NDUFAF2: variants seen among roughly 807,000 people sequenced by gnomAD.
The protein encoded by NDUFAF2 is NADH:ubiquinone oxidoreductase complex assembly factor 2.
A neutral mutation model predicts 22.8 loss-of-function variants in NDUFAF2; 13 were observed. The observed-to-expected ratio is 0.57, with a 90% CI of 0.37 to 0.91. NDUFAF2 has a LOEUF of 0.91. Among genes scored for constraint, NDUFAF2 ranks in the 40% least tolerant of loss-of-function variants. The pLI is 0.01. For missense variants in NDUFAF2, 162 were observed against 195.2 expected (o/e 0.83, Z 1.01); for synonymous variants, 53 against 64.2 (o/e 0.83, Z 0.84).
At chr5:61,090,849 C>CT (rs1328138213) in intron 2 of NDUFAF2, among the ~76,000 whole-genome samples, 2 of 152,068 alleles carry the variant, frequency 1.3e-5, no homozygotes, top group Admixed American at 6.6e-5. Flanking sequence ...CATCCTCCAC[C>CT]CTCCAATAGG....
intron 1 of NDUFAF2, among the ~76,000 whole-genome samples, chr5:60,992,517 CATTT>C (rs1358267252): frequency 2.0e-5 from 3 of 152,060 alleles, no homozygotes; most frequent in African/African-American, 7.2e-5. Flanking sequence ...ATTAATTCAT[CATTT>C]AGTCTTTCTA....
At chr5:60,951,017 C>G (rs750500891) in intron 1 of NDUFAF2, among the ~76,000 whole-genome samples, 6 of 151,774 alleles carry the variant, frequency 4.0e-5, no homozygotes, top group Non-Finnish European at 8.8e-5. Flanking sequence ...GGCATAATAG[C>G]TCCTTTCTTT....
chr5:60,989,854 G>C (rs1751135348), intron 1 of NDUFAF2, among the ~76,000 whole-genome samples: 1 of 152,054 alleles, frequency 6.6e-6, no homozygotes, highest in Non-Finnish European at 1.5e-5. Context: ...CATGAGCTGA[G>C]TTTACCTGTA....
intron 1 of NDUFAF2, among the ~76,000 whole-genome samples, chr5:60,972,091 C>A (rs962482015): frequency 6.6e-6 from 1 of 151,850 alleles, no homozygotes; most frequent in East Asian, 1.9e-4. Context: ...TACAGGCATA[C>A]GCCACCGAGC....
chr5:60,995,822 T>G (rs1751221800), intron 1 of NDUFAF2, among the ~76,000 whole-genome samples: 2 of 152,204 alleles, frequency 1.3e-5, no homozygotes, highest in African/African-American at 4.8e-5. Flanking sequence ...GTGAAAAACC[T>G]TAGAAGTCTC....
chr5:61,030,538 A>ACT (rs1751709896), intron 1 of NDUFAF2, among the ~76,000 whole-genome samples: 1 of 151,070 alleles, frequency 6.6e-6, no homozygotes, highest in Non-Finnish European at 1.5e-5. Flanking sequence ...TGAGGTATCA[A>ACT]CTCTTTAATT....
At chr5:61,146,912 A>AT (rs1561139673) in intron 3 of NDUFAF2, among the ~76,000 whole-genome samples, 1 of 152,040 alleles carries the variant, frequency 6.6e-6, no homozygotes, top group Non-Finnish European at 1.5e-5. Flanking sequence ...GAAGCACTCA[A>AT]TTTTTTTATT....
rs543203241 is a variant in NDUFAF2, at chr5:61,008,366, G to A, written c.127+62984G>A. Among the ~76,000 whole-genome samples the A allele has an allele frequency of 8.9e-4, 136 of 152,152 alleles. 1 individual carries two copies. The highest frequency in any genetic ancestry group is 3.2e-3 in the African/African-American group (131 of 41,552). On this transcript the variant is annotated intron_variant, in intron 1 of 3. Transcript: ENST00000296597. ...ATAATTGATGTTACTACAAAGAATA[G>A]TCTTTGTAAGAAAGATTAACAAGCA... is the stretch of plus-strand genomic sequence containing the variant.
At chr5:61,080,373 A>G (rs1485345958) in intron 2 of NDUFAF2, among the ~76,000 whole-genome samples, 3 of 152,232 alleles carry the variant, frequency 2.0e-5, no homozygotes, top group Non-Finnish European at 4.4e-5. Flanking sequence ...ATATTTTTCA[A>G]TGTGGCTGTA....
intron 3 of NDUFAF2, among the ~76,000 whole-genome samples, chr5:61,111,948 A>G (rs911883306): frequency 1.3e-5 from 2 of 151,740 alleles, no homozygotes; most frequent in African/African-American, 4.8e-5. Flanking sequence ...TAGTAGAGAC[A>G]GCGTTTCTGC....
At chr5:61,100,074 G>A (rs1006622617) in intron 3 of NDUFAF2, among the ~76,000 whole-genome samples, 12 of 151,788 alleles carry the variant, frequency 7.9e-5, no homozygotes, top group East Asian at 3.9e-4. Flanking sequence ...CCTACTTTTC[G>A]CAGACCCTTC....
intron 1 of NDUFAF2, among the ~76,000 whole-genome samples, chr5:60,965,879 T>A (rs1480576021): frequency 6.6e-6 from 1 of 152,196 alleles, no homozygotes; most frequent in African/African-American, 2.4e-5. Context: ...TGTGGATATA[T>A]ACCCAGTAGT....
At chr5:60,954,914 C>T (rs1750596161) in intron 1 of NDUFAF2, among the ~76,000 whole-genome samples, 1 of 152,038 alleles carries the variant, frequency 6.6e-6, no homozygotes, top group Admixed American at 6.6e-5. Context: ...TTCCTTTGCC[C>T]ATTTTAAAAT....
intron 2 of NDUFAF2, among the ~76,000 whole-genome samples, chr5:61,083,766 T>C (rs550809565): frequency 1.3e-5 from 2 of 151,884 alleles, no homozygotes; most frequent in East Asian, 3.9e-4. Flanking sequence ...CTAGTTGTTT[T>C]CTATTTTAAT....
intron 1 of NDUFAF2, among the ~76,000 whole-genome samples, chr5:61,035,435 T>C (rs997979505): frequency 6.8e-6 from 1 of 146,490 alleles, no homozygotes. Flanking sequence ...TTTTTTTTTT[T>C]TTTTTTTTTT....
At chr5:61,088,931 C>T (rs1483830976) in intron 2 of NDUFAF2, among the ~76,000 whole-genome samples, 4 of 151,966 alleles carry the variant, frequency 2.6e-5, no homozygotes, top group African/African-American at 7.2e-5. Context: ...ATAACCTTTC[C>T]GTAATTTTGG....
At chr5:60,999,411 C>T (rs1186730655) in intron 1 of NDUFAF2, among the ~76,000 whole-genome samples, 1 of 152,052 alleles carries the variant, frequency 6.6e-6, no homozygotes, top group African/African-American at 2.4e-5. Context: ...CTAATTTATA[C>T]TTGCTGCCAC....
intron 1 of NDUFAF2, among the ~76,000 whole-genome samples, chr5:61,035,286 G>C (rs1245244592): frequency 6.6e-6 from 1 of 151,810 alleles, no homozygotes; most frequent in Non-Finnish European, 1.5e-5. Context: ...GGTTGGTCTT[G>C]AATTCCTGAC....
At chr5:61,060,130 A>G (rs1752146072) in intron 1 of NDUFAF2, among the ~76,000 whole-genome samples, 1 of 152,114 alleles carries the variant, frequency 6.6e-6, no homozygotes, top group African/African-American at 2.4e-5. Flanking sequence ...TCTGTAGAAG[A>G]TTGTTTTAAA....
Sources: allele counts gnomAD v4.1 joint callset (sites outside exome capture counted in the v4.1 genomes callset), GRCh38; gene constraint gnomAD v4.1.1; transcripts MANE v1.5; gene names NCBI Gene and HGNC (gene_info 2026-07-23, HGNC 2026-07-21).